TNFRSF10B: variants seen among roughly 807,000 people sequenced by gnomAD.
The protein encoded by TNFRSF10B is TNF receptor superfamily member 10b.
TNFRSF10B carries 35 observed loss-of-function variants against 41.4 expected under a neutral mutation model. The observed-to-expected ratio is 0.85, with a 90% CI of 0.65 to 1.12. The LOEUF is 1.12. Among genes scored for constraint, TNFRSF10B ranks in the 50% most tolerant of loss-of-function variants. TNFRSF10B has a pLI of 0.00. For synonymous variants in TNFRSF10B, 230 were observed against 215.5 expected (o/e 1.07, Z -0.59); for missense variants, 584 against 552.7 (o/e 1.06, Z -0.57).
chr8:23,024,531 T>C (rs1811643913), intron 7 of TNFRSF10B, among the ~76,000 whole-genome samples: 1 of 151,906 alleles, frequency 6.6e-6, no homozygotes, highest in Admixed American at 6.6e-5. Context: ...ATGATTTTTT[T>C]TTTTTTCGAG....
At chr8:23,048,335 C>G (rs1172634199) in intron 1 of TNFRSF10B, among the ~76,000 whole-genome samples, 2 of 150,562 alleles carry the variant, frequency 1.3e-5, no homozygotes, top group East Asian at 3.9e-4. Context: ...ACTCAGGAGG[C>G]TAAGGCAGGA....
intron 2 of TNFRSF10B, among the ~76,000 whole-genome samples, chr8:23,032,706 A>G (rs530502299): frequency 6.6e-6 from 1 of 152,344 alleles, no homozygotes; most frequent in Non-Finnish European, 1.5e-5. Flanking sequence ...GATAGTTTTC[A>G]GCGTAAAAGT....
chr8:23,044,746 C>A (rs1293259982), intron 1 of TNFRSF10B, among the ~76,000 whole-genome samples: 1 of 151,538 alleles, frequency 6.6e-6, no homozygotes, highest in African/African-American at 2.4e-5. Context: ...ATACACTAAG[C>A]CCACAGTTAG....
chr8:23,038,709 T>A (rs10100680), intron 2 of TNFRSF10B, among the ~76,000 whole-genome samples: 1 of 152,162 alleles, frequency 6.6e-6, no homozygotes, highest in Non-Finnish European at 1.5e-5. Context: ...ATAGCTGTAT[T>A]ATGTTAGGTG....
In TNFRSF10B at chr8:23,022,512, C is replaced by T; in HGVS notation, c.*159G>A. On this transcript the variant is annotated 3_prime_UTR_variant, in exon 9 of 9. Coordinates refer to ENST00000276431, the MANE Select transcript of TNFRSF10B (RefSeq NM_003842.5). ...TAATGCCAAGTGCAGTGAAAAGTTA[C>T]AGGATGTTCCATCCACTGGGTGATG... 1 of 767,886 alleles carries T rather than the reference C, an allele frequency of 1.3e-6. No homozygotes were observed. Among genetic ancestry groups the T allele is most frequent in the Non-Finnish European group, 2.3e-6 (1 of 444,054 alleles). The allele number at this position is 767,886 out of a possible 1,614,324, so 47.6% of individuals were successfully genotyped here. A position where few individuals can be genotyped will look rare whatever the true frequency, so the allele number is the denominator to read the frequency against.
At chr8:23,053,487 A>G (rs1011845367) in intron 1 of TNFRSF10B, among the ~76,000 whole-genome samples, 2 of 91,104 alleles carry the variant, frequency 2.2e-5, no homozygotes, top group Non-Finnish European at 5.2e-5. Flanking sequence ...TGGATAAAAT[A>G]AAAATGAAAG....
At chr8:23,042,854 C>T (rs1374487109) in intron 2 of TNFRSF10B, 3 of 346,900 alleles carry the variant, frequency 8.6e-6, no homozygotes, top group East Asian at 5.6e-5. Context: ...TGCCCTCCTC[C>T]GGATGTCAGC....
intron 2 of TNFRSF10B, among the ~76,000 whole-genome samples, chr8:23,031,935 G>A (rs1194089844): frequency 4.4e-5 from 6 of 137,420 alleles, no homozygotes; most frequent in African/African-American, 1.7e-4. Flanking sequence ...TTTTTGAGAC[G>A]GAGTCTTGCT....
chr8:23,048,553 G>C (rs1812432258), intron 1 of TNFRSF10B, among the ~76,000 whole-genome samples: 1 of 152,054 alleles, frequency 6.6e-6, no homozygotes, highest in Non-Finnish European at 1.5e-5. Context: ...CCATTGGTTA[G>C]ACAGGAGGAA....
chr8:23,054,683 A>G (rs1260221814), intron 1 of TNFRSF10B, among the ~76,000 whole-genome samples: 4 of 152,262 alleles, frequency 2.6e-5, no homozygotes, highest in South Asian at 4.1e-4. Flanking sequence ...GACCTGTGGT[A>G]AGTAAAGAAT....
Position 23,028,412 on chromosome 8 carries a change from C to T in TNFRSF10B, c.667G>A (p.Val223Ile), listed in dbSNP as rs368188428. 1,050 of 1,614,182 alleles carry T rather than the reference C, an allele frequency of 6.5e-4. 19 individuals are homozygous for T. The South Asian group carries it at 0.01, about 16-fold the overall frequency. ...ACAAACACAGCCACAATCAAGACTACGGCTGCAACTGTGACTCCTATGATG... is the reference window on the plus strand; with the variant it reads ...ACAAACACAGCCACAATCAAGACTATGGCTGCAACTGTGACTCCTATGATG... The part of the protein sequence containing the change: ...GIIIGVTVAA[V>I]VLIVAVFVCK... Residue 223 changes from valine to isoleucine, a missense_variant, in exon 5 of 9, where the codon GTA (valine) becomes ATA (isoleucine). Val to Ile is a conservative substitution (Grantham distance 29, BLOSUM62 3). Coordinates refer to ENST00000276431, the MANE Select transcript of TNFRSF10B (RefSeq NM_003842.5).
chr8:23,057,210 C>T (rs990921721), intron 1 of TNFRSF10B, among the ~76,000 whole-genome samples: 33 of 151,034 alleles, frequency 2.2e-4, no homozygotes, highest in Non-Finnish European at 5.9e-5. Context: ...CCATGCCCGG[C>T]TCATTTTTGT....
chr8:23,038,644 G>C (rs1031194222), intron 2 of TNFRSF10B, among the ~76,000 whole-genome samples: 4 of 152,168 alleles, frequency 2.6e-5, no homozygotes. Context: ...CACCACTCAA[G>C]AACTTTGCAT....
chr8:23,038,186 T>C (rs150091958), intron 2 of TNFRSF10B, among the ~76,000 whole-genome samples: 80 of 152,350 alleles, frequency 5.3e-4, no homozygotes, highest in East Asian at 2.9e-3. Context: ...AGGAGATTCC[T>C]TAGGGCATCT....
rs563894673 is a variant in TNFRSF10B, at chr8:23,022,116, C to T, written c.*555G>A. On this transcript the variant is annotated 3_prime_UTR_variant, in exon 9 of 9. Transcript: ENST00000276431. ...TCTAGACAAAATACAAAAAATTAGC[C>T]GGGCGTGGTGGTGCACACCTGTGGT... 2.1e-4 allele frequency: 88 copies of T among 423,154 alleles called. No individual in the cohort carries two copies. The highest frequency in any genetic ancestry group is 3.5e-4 in the Non-Finnish European group (76 of 214,504). The allele number at this position is 423,154 out of a possible 1,614,324, so 26.2% of individuals were successfully genotyped here.
chr8:23,054,429 C>T (rs999601061), intron 1 of TNFRSF10B, among the ~76,000 whole-genome samples: 4 of 152,210 alleles, frequency 2.6e-5, no homozygotes, highest in Middle Eastern at 3.2e-3. Context: ...TTGTTTCTCT[C>T]TACCTGATTT....
intron 1 of TNFRSF10B, among the ~76,000 whole-genome samples, chr8:23,046,183 G>A (rs909236606): frequency 2.0e-5 from 3 of 152,126 alleles, no homozygotes. Flanking sequence ...CTTCTGTATA[G>A]AAAACCCTGA....
chr8:23,046,629 A>C (rs1278487864), intron 1 of TNFRSF10B, among the ~76,000 whole-genome samples: 127 of 149,938 alleles, frequency 8.5e-4, no homozygotes, highest in African/African-American at 2.7e-3. Context: ...AAAAAAAAAA[A>C]AAAAACACAA....
intron 1 of TNFRSF10B, among the ~76,000 whole-genome samples, chr8:23,058,992 G>A (rs933350851): frequency 1.3e-5 from 2 of 152,134 alleles, no homozygotes; most frequent in African/African-American, 4.8e-5. Context: ...ATCCTCAGAA[G>A]TTATTTCATC....
Sources: allele counts gnomAD v4.1 joint callset (sites outside exome capture counted in the v4.1 genomes callset), GRCh38; gene constraint gnomAD v4.1.1; transcripts MANE v1.5; gene names NCBI Gene and HGNC (gene_info 2026-07-23, HGNC 2026-07-21).